STK4: variants seen among roughly 807,000 people sequenced by gnomAD.
The protein encoded by STK4 is serine/threonine-protein kinase 4.
STK4 carries 30 observed loss-of-function variants against 64.9 expected under a neutral mutation model. The ratio of observed to expected loss-of-function variants is 0.46; its 90% CI spans 0.35 to 0.63. STK4 has a LOEUF of 0.63. Among genes scored for constraint, STK4 ranks in the 20% least tolerant of loss-of-function variants. The pLI is 0.01. For synonymous variants in STK4, 177 were observed against 199.0 expected, an observed-to-expected ratio of 0.89 and a Z score of 0.93; for missense variants, 466 against 598.5, an observed-to-expected ratio of 0.78 and a Z score of 2.31.
At chr20:45,022,077 A>G (rs2068257971) in intron 9 of STK4, among the ~76,000 whole-genome samples, 1 of 152,120 alleles carries the variant, frequency 6.6e-6, no homozygotes, top group Non-Finnish European at 1.5e-5. Flanking sequence ...ATTGTGGTAA[A>G]ATATACATAA....
Position 45,079,895 on chromosome 20 carries a change from TTTC to T in STK4, c.*4726_*4728del, listed in dbSNP as rs1325342367. ...ATGTTAGAATTGTTGTTCTCCTTCTTTTCTTCTTCCTATACCTCATCACGTTTG... is the reference window on the plus strand; with the variant it reads ...ATGTTAGAATTGTTGTTCTCCTTCTTTTCTTCCTATACCTCATCACGTTTG... On this transcript the variant is annotated 3_prime_UTR_variant, in exon 11 of 11. Coordinates refer to ENST00000372806, the MANE Select transcript of STK4 (RefSeq NM_006282.5). 1 of 152,432 alleles carries T rather than the reference TTTC, an allele frequency of 6.6e-6. No individual in the cohort carries two copies. The highest frequency in any genetic ancestry group is 1.5e-5 in the Non-Finnish European group (1 of 68,044). 9.4% of individuals were successfully genotyped at this position (152,432 alleles called of 1,614,324 possible).
intron 10 of STK4, among the ~76,000 whole-genome samples, chr20:45,065,069 T>C (rs1371962425): frequency 6.6e-6 from 1 of 152,170 alleles, no homozygotes; most frequent in Non-Finnish European, 1.5e-5. Flanking sequence ...TTTAGTATGA[T>C]GTTTGCTGTG....
intron 9 of STK4, among the ~76,000 whole-genome samples, chr20:45,003,740 G>A (rs763714843): frequency 9.7e-4 from 143 of 148,166 alleles, no homozygotes; most frequent in Non-Finnish European, 1.6e-3. Context: ...TTTGGAGACG[G>A]AGTCTCACTC....
chr20:44,996,331 A>AC (rs143150055), intron 6 of STK4, among the ~76,000 whole-genome samples: 27 of 150,188 alleles, frequency 1.8e-4, no homozygotes, highest in South Asian at 8.6e-4. Flanking sequence ...GTTGTAATAC[A>AC]CCCCCCCGCC....
chr20:45,058,164 T>TA (rs1292091212), intron 10 of STK4, among the ~76,000 whole-genome samples: 6 of 152,064 alleles, frequency 3.9e-5, no homozygotes, highest in Non-Finnish European at 7.4e-5. Context: ...ATGGCCATTA[T>TA]AAAAAGATTC....
chr20:44,996,338 C>A (rs977339024), intron 6 of STK4, among the ~76,000 whole-genome samples: 1 of 152,084 alleles, frequency 6.6e-6, no homozygotes. Context: ...TACACCCCCC[C>A]GCCAACCCTG....
intron 4 of STK4, among the ~76,000 whole-genome samples, chr20:44,985,239 G>T (rs370240565): frequency 9.8e-5 from 15 of 152,292 alleles, no homozygotes; most frequent in African/African-American, 3.1e-4. Context: ...TGTATAAAAT[G>T]ATGATGATAA....
At chr20:45,053,770 A>G (rs6031956) in intron 10 of STK4, among the ~76,000 whole-genome samples, 3,167 of 152,290 alleles carry the variant, frequency 0.021, 113 homozygotes, top group African/African-American at 0.072. Context: ...CTCTTGCTAT[A>G]TTTCCAACAA....
chr20:45,024,050 G>A (rs1430589984), intron 9 of STK4, among the ~76,000 whole-genome samples: 4 of 151,420 alleles, frequency 2.6e-5, no homozygotes, highest in Non-Finnish European at 5.9e-5. Context: ...ACAGGCGCCC[G>A]CCACCACGCC....
intron 10 of STK4, among the ~76,000 whole-genome samples, chr20:45,027,430 CAAAAA>C (rs35208496): frequency 1.3e-5 from 1 of 79,412 alleles, no homozygotes. Context: ...AACTCCGTCT[CAAAAA>C]AAAAAAAAAA....
At chr20:45,022,228 C>T (rs1157086667) in intron 9 of STK4, among the ~76,000 whole-genome samples, 1 of 152,126 alleles carries the variant, frequency 6.6e-6, no homozygotes, top group Non-Finnish European at 1.5e-5. Flanking sequence ...ATTTTACTTA[C>T]AGCTTATATC....
intron 10 of STK4, among the ~76,000 whole-genome samples, chr20:45,062,657 GT>G (rs1049692716): frequency 6.6e-6 from 1 of 151,082 alleles, no homozygotes. Context: ...TTACTGTGGG[GT>G]TTTTTTTTGT....
At chr20:44,984,456 C>T (rs2067496956) in intron 4 of STK4, among the ~76,000 whole-genome samples, 1 of 152,098 alleles carries the variant, frequency 6.6e-6, no homozygotes, top group South Asian at 2.1e-4. Context: ...CCTGCCTCGG[C>T]CTCCCAAAGT....
chr20:45,064,914 C>G (rs2145471657), intron 10 of STK4, among the ~76,000 whole-genome samples: 1 of 152,242 alleles, frequency 6.6e-6, no homozygotes, highest in South Asian at 2.1e-4. Flanking sequence ...GTTTGACTTC[C>G]CTTCTTCCTG....
chr20:45,011,723 ATATATATTTT>A (rs1405816670), intron 9 of STK4, among the ~76,000 whole-genome samples: 3 of 106,234 alleles, frequency 2.8e-5, no homozygotes, highest in Admixed American at 8.7e-5. Flanking sequence ...ATATATATAT[ATATATATTTT>A]TTTTTTTTTT....
intron 10 of STK4, among the ~76,000 whole-genome samples, chr20:45,047,450 C>CTTTT (rs2068714233): frequency 1.3e-5 from 2 of 152,184 alleles, no homozygotes; most frequent in Non-Finnish European, 2.9e-5. Context: ...ACATGTGCAG[C>CTTTT]CCTTAGCGAA....
At chr20:45,002,121 A>G (rs1568709916) in intron 9 of STK4, among the ~76,000 whole-genome samples, 1 of 152,214 alleles carries the variant, frequency 6.6e-6, no homozygotes, top group Non-Finnish European at 1.5e-5. Flanking sequence ...ATTTTGCAGT[A>G]ATGAGCTACT....
At chr20:44,972,363 T>C (rs987358295) in intron 2 of STK4, 6 of 466,706 alleles carry the variant, frequency 1.3e-5, no homozygotes, top group Middle Eastern at 9.4e-4. Context: ...GAAGAATATC[T>C]ATTGTTTTCT....
intron 10 of STK4, among the ~76,000 whole-genome samples, chr20:45,027,988 A>G (rs2068381652): frequency 6.6e-6 from 1 of 152,210 alleles, no homozygotes; most frequent in Non-Finnish European, 1.5e-5. Context: ...TGTATACCAC[A>G]TCTTCTTTAT....
Sources: allele counts gnomAD v4.1 joint callset (sites outside exome capture counted in the v4.1 genomes callset), GRCh38; gene constraint gnomAD v4.1.1; transcripts MANE v1.5; gene names NCBI Gene and HGNC (gene_info 2026-07-23, HGNC 2026-07-21).